The following EEF2K variants were observed in gnomAD, a reference collection of about 807,000 sequenced individuals.
The protein encoded by EEF2K is eukaryotic elongation factor 2 kinase.
EEF2K carries 70 observed loss-of-function variants against 93.8 expected under a neutral mutation model. The ratio of observed to expected loss-of-function variants is 0.75; its 90% confidence interval spans 0.62 to 0.91. The LOEUF is 0.91. Among genes scored for constraint, EEF2K ranks in the 40% least tolerant of loss-of-function variants. EEF2K has a pLI of 0.00. For synonymous variants in EEF2K, 376 were observed against 380.8 expected (o/e 0.99, Z 0.15); for missense variants, 935 against 972.9 (o/e 0.96, Z 0.52).
chr16:22,238,475 TAC>T (rs2047190183), intron 2 of EEF2K, among the ~76,000 whole-genome samples: 1 of 151,800 alleles, frequency 6.6e-6, no homozygotes, highest in Non-Finnish European at 1.5e-5. Flanking sequence ...CTGTCATCTC[TAC>T]ACACACACAA....
chr16:22,244,762 C>T, intron 3 of EEF2K, 32 bp downstream of exon 3: 1 of 1,609,364 alleles, frequency 6.2e-7, no homozygotes, highest in South Asian at 1.1e-5. Flanking sequence ...TCGAGGAGTC[C>T]TGGGGGCTAT....
chr16:22,254,666 CAAAAA>C (rs1281519219), intron 6 of EEF2K, among the ~76,000 whole-genome samples: 1 of 151,892 alleles, frequency 6.6e-6, no homozygotes, highest in Non-Finnish European at 1.5e-5. Flanking sequence ...TTTATAAAAA[CAAAAA>C]AAATTCGGCA....
intron 1 of EEF2K, among the ~76,000 whole-genome samples, chr16:22,207,651 G>C (rs941825523): frequency 2.6e-4 from 39 of 152,116 alleles, no homozygotes; most frequent in African/African-American, 8.7e-4. Context: ...GCCCTGGACA[G>C]GCTGTGAAGT....
intron 6 of EEF2K, among the ~76,000 whole-genome samples, chr16:22,251,959 A>G (rs1211362610): frequency 6.6e-6 from 1 of 151,522 alleles, no homozygotes; most frequent in Non-Finnish European, 1.5e-5. Flanking sequence ...ATGCCTAGCT[A>G]ATTTTTGTAT....
intron 6 of EEF2K, among the ~76,000 whole-genome samples, chr16:22,254,344 C>G (rs944170252): frequency 1.3e-5 from 2 of 152,140 alleles, no homozygotes; most frequent in African/African-American, 4.8e-5. Flanking sequence ...GCCTTCCCCT[C>G]AGGCCGGTTC....
rs765616865 is a variant in EEF2K, at chr16:22,256,890, C to T, written c.761C>T (p.Thr254Met). 1.1e-4 allele frequency: 180 copies of T among 1,613,868 alleles called. No homozygotes were observed. Among genetic ancestry groups the T allele is most frequent in the African/African-American group, 1.9e-4 (14 of 74,942 alleles). ...GTCCGCGATGACAACATCCGCCTGACGCCGCAGGTGAGGCCGAGCTCACCT... is the reference window on the plus strand; with the variant it reads ...GTCCGCGATGACAACATCCGCCTGATGCCGCAGGTGAGGCCGAGCTCACCT... ...GFVRDDNIRL[T>M]PQAFSHFTFE... The change falls in exon 7 of 18, where the codon ACG becomes ATG. Residue 254 changes from threonine to methionine, a missense_variant. Coordinates refer to ENST00000263026, the MANE Select transcript of EEF2K (RefSeq NM_013302.5).
intron 1 of EEF2K, among the ~76,000 whole-genome samples, chr16:22,216,070 A>C (rs1039808684): frequency 2.0e-4 from 31 of 152,222 alleles, no homozygotes; most frequent in African/African-American, 7.0e-4. Flanking sequence ...TCTATTGTCT[A>C]GGAGAGGGTC....
chr16:22,251,065 AG>A lies in EEF2K; in HGVS notation c.447-83del, dbSNP rs998548918. The A allele has an allele frequency of 8.7e-6, 13 of 1,501,836 alleles. No individual in the cohort carries two copies. The African/African-American group carries it at 1.8e-4, about 21-fold the overall frequency. 93.0% of individuals were successfully genotyped at this position (1,501,836 alleles called of 1,614,324 possible). A position where few individuals can be genotyped will look rare whatever the true frequency, so the allele number is the denominator to read the frequency against. Reference sequence around the variant, plus strand: ...TGCCAGCCACCCAGCCACATCAGACAGGGTCTTGCTGTCCTGAGGACCAGGG... The same window carrying A: ...TGCCAGCCACCCAGCCACATCAGACAGGTCTTGCTGTCCTGAGGACCAGGG... On this transcript the variant is annotated intron_variant, in intron 5 of 17. Coordinates refer to ENST00000263026, the MANE Select transcript of EEF2K (RefSeq NM_013302.5).
intron 1 of EEF2K, among the ~76,000 whole-genome samples, chr16:22,222,581 C>A (rs942833519): frequency 6.6e-6 from 1 of 150,846 alleles, no homozygotes; most frequent in African/African-American, 2.4e-5. Context: ...TTAAAATGTA[C>A]GATTCTGGCT....
chr16:22,257,017 C>T (rs2047408492), intron 7 of EEF2K, 120 bp downstream of exon 7: 1 of 1,486,888 alleles, frequency 6.7e-7, no homozygotes, highest in South Asian at 1.3e-5. Flanking sequence ...CCAGAGAAGC[C>T]TCTTGGAGCA....
intron 2 of EEF2K, among the ~76,000 whole-genome samples, chr16:22,241,624 G>A (rs1191248951): frequency 7.5e-6 from 1 of 132,892 alleles, no homozygotes; most frequent in Non-Finnish European, 1.6e-5. Flanking sequence ...GGGTGACAGA[G>A]GGAGACTGTC....
At position 22,266,277 on chromosome 16, in the gene EEF2K, G is replaced by A. The variant is rs902983675; in HGVS notation, c.1441-113G>A. 5 of 1,453,966 alleles carry A rather than the reference G, an allele frequency of 3.4e-6. No individual in the cohort carries two copies. In the African/African-American group the frequency reaches 5.7e-5, roughly 17 times the overall value. 90.1% of individuals were successfully genotyped at this position (1,453,966 alleles called of 1,614,324 possible). A position where few individuals can be genotyped will look rare whatever the true frequency, so the allele number is the denominator to read the frequency against. On this transcript the variant is annotated intron_variant, in intron 13 of 17. Transcript: ENST00000263026. ...GCCAATAAACTTTGACATCGTGAGG[G>A]TTCACTCCCCATCTCCCTCCAGCCA...
At chr16:22,251,690 G>T (rs988797465) in intron 6 of EEF2K, among the ~76,000 whole-genome samples, 4 of 152,124 alleles carry the variant, frequency 2.6e-5, no homozygotes, top group Non-Finnish European at 5.9e-5. Context: ...CTCCCAAAGT[G>T]CTGGGATTAC....
rs1363795539 is a variant in EEF2K, at chr16:22,225,695, G to T, written c.-35G>T. 2 of 1,607,506 alleles carry T rather than the reference G, an allele frequency of 1.2e-6. No individual in the cohort carries two copies. The highest frequency in any genetic ancestry group is 2.7e-5 in the African/African-American group (2 of 74,882). On this transcript the variant is annotated 5_prime_UTR_variant, in exon 2 of 18. Transcript: ENST00000263026. ...TTTGTCCAGTAACTCTGGCTGTGCC[G>T]GATACTGCTTGGGTAAAACGGGCAC...
intron 12 of EEF2K, among the ~76,000 whole-genome samples, chr16:22,264,441 A>G (rs1461199466): frequency 6.6e-6 from 1 of 152,118 alleles, no homozygotes; most frequent in Non-Finnish European, 1.5e-5. Flanking sequence ...GCTGCACTCC[A>G]GCCTGGGCAA....
At chr16:22,215,174 G>A (rs968985789) in intron 1 of EEF2K, among the ~76,000 whole-genome samples, 2 of 152,188 alleles carry the variant, frequency 1.3e-5, no homozygotes, top group South Asian at 4.1e-4. Context: ...GGTAACTTCA[G>A]TTTTTCATCT....
At chr16:22,236,617 G>T (rs2047170369) in intron 2 of EEF2K, among the ~76,000 whole-genome samples, 1 of 151,648 alleles carries the variant, frequency 6.6e-6, no homozygotes. Context: ...AGTAACCAGG[G>T]GCCTTGATTA....
Position 22,284,848 on chromosome 16 carries a change from G to A in EEF2K, c.*852G>A, listed in dbSNP as rs1257893411. The A allele has an allele frequency of 1.3e-5, 2 of 152,310 alleles. No homozygotes were observed. Among genetic ancestry groups the A allele is most frequent in the African/African-American group, 4.8e-5 (2 of 41,416 alleles). 9.4% of individuals were successfully genotyped at this position (152,310 alleles called of 1,614,324 possible). A position where few individuals can be genotyped will look rare whatever the true frequency, so the allele number is the denominator to read the frequency against. The stretch of plus-strand genomic sequence containing the variant: ...TCTCAGAGCATTTAGAGGCATGCGT[G>A]GCATTTTTTCAGTGGGTGTGAGATT... On this transcript the variant is annotated 3_prime_UTR_variant, in exon 18 of 18. Coordinates refer to ENST00000263026, the MANE Select transcript of EEF2K (RefSeq NM_013302.5).
At chr16:22,283,170 G>A (rs1406390530) in intron 17 of EEF2K, among the ~76,000 whole-genome samples, 1 of 151,920 alleles carries the variant, frequency 6.6e-6, no homozygotes, top group East Asian at 1.9e-4. Context: ...TTAGCTGGGC[G>A]TGGTGGCAGG....
Sources: gnomAD v4.1 joint callset for allele counts (sites outside exome capture counted in the v4.1 genomes callset) on GRCh38, gnomAD v4.1.1 for gene constraint, MANE v1.5 for transcripts, NCBI Gene and HGNC (gene_info 2026-07-23, HGNC 2026-07-21) for gene names.